MRPS30: variants seen among roughly 807,000 people sequenced by gnomAD.
MRPS30 encodes large ribosomal subunit protein mL65.
Under a neutral mutation model 43.8 loss-of-function variants are expected in MRPS30, and 42 were observed. The ratio of observed to expected loss-of-function variants is 0.96; its 90% CI spans 0.75 to 1.24. MRPS30 has a LOEUF of 1.24. MRPS30 is among the 50% of genes most tolerant of loss of function. The probability of loss-of-function intolerance (pLI) is 0.00; values close to 1 mark genes in which losing one functional copy is unlikely to be tolerated. For synonymous variants in MRPS30, 273 were observed against 228.2 expected (o/e 1.20, Z -1.77); for missense variants, 638 against 570.0 (o/e 1.12, Z -1.22).
intron 4 of MRPS30, among the ~76,000 whole-genome samples, chr5:44,813,928 CTA>C (rs1212293557): frequency 4.6e-5 from 7 of 152,090 alleles, no homozygotes; most frequent in Non-Finnish European, 4.4e-5. Context: ...GGAGAAGAAT[CTA>C]TTTTTAAAAA....
At position 44,809,256 on chromosome 5, in the gene MRPS30, C is replaced by A; in HGVS notation, c.294C>A (p.Phe98Leu). Reference sequence around the variant, plus strand: ...AGTACATGGTTTACCCGCAGACCTTCGCGCTGAATGCCGACCGCTGGTACC... The same window carrying A: ...AGTACATGGTTTACCCGCAGACCTTAGCGCTGAATGCCGACCGCTGGTACC... The part of the protein sequence containing the change: ...FMKYMVYPQT[F>L]ALNADRWYQY... The change falls in exon 1 of 5, where the codon TTC becomes TTA. Residue 98 changes from phenylalanine (F) to leucine (L), a missense_variant. Coordinates refer to ENST00000507110, the MANE Select transcript of MRPS30 (RefSeq NM_016640.4). 6.2e-7 allele frequency: 1 copy of A among 1,613,600 alleles called. No individual in the cohort carries two copies. Among genetic ancestry groups the A allele is most frequent in the Non-Finnish European group, 8.5e-7 (1 of 1,179,894 alleles).
At chr5:44,809,599 A>G in intron 1 of MRPS30, 36 bp downstream of exon 1, 2 of 1,536,282 alleles carry the variant, frequency 1.3e-6, no homozygotes, top group Non-Finnish European at 1.8e-6. Flanking sequence ...CGGAAGGGAG[A>G]GATGGGGATT....
Position 44,811,168 on chromosome 5 carries a change from G to T in MRPS30, c.747+14G>T. On this transcript the variant is annotated intron_variant, in intron 2 of 4. Transcript: ENST00000507110. ...CAACTCGCAGAGGTAAGGATTTATT[G>T]CGATTATGTATCTATTGATATCTCG... The T allele has an allele frequency of 6.2e-7, 1 of 1,613,078 alleles. No homozygotes were observed. Among genetic ancestry groups the T allele is most frequent in the African/African-American group, 1.3e-5 (1 of 75,016 alleles).
At chr5:44,813,448 A>G (rs1742874759) in intron 4 of MRPS30, 166 bp downstream of exon 4, 1 of 534,648 alleles carries the variant, frequency 1.9e-6, no homozygotes, top group South Asian at 3.4e-5. Flanking sequence ...TTTAAATACT[A>G]TACATTTGAA....
chr5:44,811,436 A>G (rs1742838034), intron 2 of MRPS30, among the ~76,000 whole-genome samples: 1 of 152,238 alleles, frequency 6.6e-6, no homozygotes, highest in Non-Finnish European at 1.5e-5. Flanking sequence ...AAATTCTGAA[A>G]TAGTTTACGA....
chr5:44,813,930 A>G (rs1341537684), intron 4 of MRPS30, among the ~76,000 whole-genome samples: 1 of 152,212 alleles, frequency 6.6e-6, no homozygotes, highest in Non-Finnish European at 1.5e-5. Context: ...AGAAGAATCT[A>G]TTTTTAAAAA....
chr5:44,811,223 A>G, intron 2 of MRPS30, 69 bp downstream of exon 2: 2 of 1,537,956 alleles, frequency 1.3e-6, no homozygotes, highest in Middle Eastern at 1.7e-4. Context: ...AGGTTGAGTA[A>G]TAGTCTTAGT....
At position 44,811,933 on chromosome 5, in the gene MRPS30, T is replaced by C; in HGVS notation, c.766T>C (p.Ser256Pro). 6.3e-7 allele frequency: 1 copy of C among 1,585,408 alleles called. No individual in the cohort carries two copies. Among genetic ancestry groups the C allele is most frequent in the South Asian group, 1.1e-5 (1 of 87,240 alleles). ...QLAEFVPLDY[S>P]VPIEIPTIKC... ...CTTTAAGTTTGTGCCATTGGATTAT[T>C]CTGTTCCTATAGAAATCCCCACTAT... Residue 256 changes from serine (S) to proline (P), a missense_variant, in exon 3 of 5, where the codon TCT becomes CCT. Physicochemically the swap from Ser to Pro is moderately conservative, Grantham distance 74. Coordinates refer to ENST00000507110, the MANE Select transcript of MRPS30 (RefSeq NM_016640.4).
Position 44,812,101 on chromosome 5 carries a change from G to T in MRPS30, c.853+81G>T, listed in dbSNP as rs1220891715. ...AATTTGGAGTATTGACTACAATGAG[G>T]AATTAATTCTCGAAGACCGAGAGGT... On this transcript the variant is annotated intron_variant, in intron 3 of 4. Coordinates refer to ENST00000507110, the MANE Select transcript of MRPS30 (RefSeq NM_016640.4). The T allele has an allele frequency of 1.5e-5, 14 of 955,824 alleles. 1 individual carries two copies. Among genetic ancestry groups the T allele is most frequent in the East Asian group, 7.8e-5 (3 of 38,570 alleles). The allele number at this position is 955,824 out of a possible 1,614,324, so 59.2% of individuals were successfully genotyped here.
intron 3 of MRPS30, among the ~76,000 whole-genome samples, chr5:44,812,294 T>C (rs924131729): frequency 1.3e-5 from 2 of 152,198 alleles, no homozygotes; most frequent in Admixed American, 6.5e-5. Context: ...ATAGAAAAAT[T>C]AGTGTTTTTT....
intron 2 of MRPS30, 54 bp downstream of exon 2, chr5:44,811,208 T>C: frequency 1.3e-6 from 2 of 1,584,026 alleles, no homozygotes; most frequent in South Asian, 1.1e-5. Context: ...GGATTTGTCA[T>C]AGGCAGGTTG....
At chr5:44,809,638 C>A in intron 1 of MRPS30, 75 bp downstream of exon 1, 1 of 1,393,258 alleles carries the variant, frequency 7.2e-7, no homozygotes, top group Non-Finnish European at 9.7e-7. Flanking sequence ...GCAGATTTAC[C>A]CCTCGTCATT....
chr5:44,815,190 G>A lies in MRPS30; in HGVS notation c.1308G>A (p.Leu436=). 1.9e-6 allele frequency: 3 copies of A among 1,582,180 alleles called. No individual in the cohort carries two copies. ...LNRPKEEKSQ[L]LEN ...GACCAAAAGAAGAAAAATCACAGCTGTTGGAAAACTGAAAAAGCATATTTG... is the reference window on the plus strand; with the variant it reads ...GACCAAAAGAAGAAAAATCACAGCTATTGGAAAACTGAAAAAGCATATTTG... The change falls in exon 5 of 5, where the codon CTG becomes CTA. Residue 436 remains leucine, a synonymous_variant. Transcript: ENST00000507110.
chr5:44,811,062 C>G lies in MRPS30; in HGVS notation c.655C>G (p.Arg219Gly). 1 of 1,613,982 alleles carries G rather than the reference C, an allele frequency of 6.2e-7. No individual in the cohort carries two copies. The highest frequency in any genetic ancestry group is 8.5e-7 in the Non-Finnish European group (1 of 1,179,906). ...GGTGCGTGGTGAAGAAATTATTCCTCGTGGTCATCGAAGAGGTCGAATTGA... is the reference window on the plus strand; with the variant it reads ...GGTGCGTGGTGAAGAAATTATTCCTGGTGGTCATCGAAGAGGTCGAATTGA... ...YWVRGEEIIP[R>G]GHRRGRIDDL... The change falls in exon 2 of 5, where the codon CGT becomes GGT. Residue 219 changes from arginine to glycine, a missense_variant. Physicochemically the swap from Arg to Gly is moderately radical, Grantham distance 125. Coordinates refer to ENST00000507110, the MANE Select transcript of MRPS30 (RefSeq NM_016640.4).
Position 44,814,212 on chromosome 5 carries a change from A to G in MRPS30, c.1031-701A>G, listed in dbSNP as rs1742885579. On this transcript the variant is annotated intron_variant, in intron 4 of 4. Transcript: ENST00000507110. The stretch of plus-strand genomic sequence containing the variant: ...TTGTGGGGCATTTGGATTTTATTCT[A>G]AAACCTGAAGTAATGTAATATGAAG... Among the ~76,000 whole-genome samples, 3 of 152,234 alleles carry G rather than the reference A, an allele frequency of 2.0e-5. No individual in the cohort carries two copies. In the South Asian group the frequency reaches 6.2e-4, roughly 31 times the overall value.
chr5:44,815,219 G>T lies in MRPS30; in HGVS notation c.*17G>T. 6.5e-7 allele frequency: 1 copy of T among 1,547,186 alleles called. No homozygotes were observed. Among genetic ancestry groups the T allele is most frequent in the East Asian group, 2.3e-5 (1 of 44,384 alleles). The stretch of plus-strand genomic sequence containing the variant: ...GAAAACTGAAAAAGCATATTTGATT[G>T]AGAACTGTGGGAATATTTAAATTTT... On this transcript the variant is annotated 3_prime_UTR_variant, in exon 5 of 5. Transcript: ENST00000507110.
At chr5:44,811,641 C>A (rs1579857228) in intron 2 of MRPS30, among the ~76,000 whole-genome samples, 1 of 152,158 alleles carries the variant, frequency 6.6e-6, no homozygotes, top group East Asian at 1.9e-4. Flanking sequence ...TTGGGCTGTA[C>A]AGGCCGTAAG....
intron 4 of MRPS30, among the ~76,000 whole-genome samples, chr5:44,814,472 T>G (rs1742888336): frequency 6.6e-6 from 1 of 152,184 alleles, no homozygotes. Context: ...GATAAAGTAC[T>G]TCTTTTTACA....
rs1317574283 is a variant in MRPS30, at chr5:44,809,122, G to T, written c.160G>T (p.Asp54Tyr). 2 of 1,611,688 alleles carry T rather than the reference G, an allele frequency of 1.2e-6. No individual in the cohort carries two copies. The change falls in exon 1 of 5, where the codon GAC (aspartate) becomes TAC (tyrosine). Residue 54 changes from aspartate to tyrosine, a missense_variant. By Grantham distance (160) the Asp-to-Tyr change is radical. Transcript: ENST00000507110. Reference protein sequence around the residue: ...YPPIVASMTADSKAARLRRIE... With the variant: ...YPPIVASMTAYSKAARLRRIE... ...GCCGATTGTGGCCTCCATGACAGCC[G>T]ACAGCAAAGCTGCACGGCTGCGGCG...
Sources: gnomAD v4.1 joint callset for allele counts (sites outside exome capture counted in the v4.1 genomes callset) on GRCh38, gnomAD v4.1.1 for gene constraint, MANE v1.5 for transcripts, NCBI Gene and HGNC (gene_info 2026-07-23, HGNC 2026-07-21) for gene names.